HIF1AN: variants seen among roughly 807,000 people sequenced by gnomAD.
HIF1AN encodes the protein hypoxia inducible factor 1 subunit alpha inhibitor.
A neutral mutation model predicts 47.7 loss-of-function variants in HIF1AN; 21 were observed. The observed-to-expected ratio is 0.44, with a 90% CI of 0.31 to 0.63. The LOEUF is 0.63. HIF1AN is among the 30% of genes least tolerant of loss of function. The pLI is 0.07. For synonymous variants in HIF1AN, 152 were observed against 155.9 expected, an observed-to-expected ratio of 0.98 and a Z score of 0.18; for missense variants, 320 against 432.7, an observed-to-expected ratio of 0.74 and a Z score of 2.31.
rs965086119 is a variant in HIF1AN at position 100,548,471 on chromosome 10, T to C, written c.*334T>C. The C allele has an allele frequency of 2.1e-5, 6 of 280,358 alleles. No homozygotes were observed. Among genetic ancestry groups the C allele is most frequent in the African/African-American group, 1.3e-4 (6 of 45,474 alleles). The allele number at this position is 280,358 out of a possible 1,614,324, so 17.4% of individuals were successfully genotyped here. A position where few individuals can be genotyped will look rare whatever the true frequency, so the allele number is the denominator to read the frequency against. On this transcript the variant is annotated 3_prime_UTR_variant, in exon 8 of 8. Transcript: ENST00000299163. Reference sequence around the variant, plus strand: ...CTGTCAACTTCGGAATGTGTGCGTGTGTGTGCATGCACACGCATGTATGTA... The same window carrying C: ...CTGTCAACTTCGGAATGTGTGCGTGCGTGTGCATGCACACGCATGTATGTA...
At chr10:100,536,738 C>G (rs750648407) in intron 2 of HIF1AN, 77 bp downstream of exon 2, 54 of 1,524,692 alleles carry the variant, frequency 3.5e-5, no homozygotes, top group Non-Finnish European at 4.8e-5. Flanking sequence ...GAAGGTGTGG[C>G]AGAATTGGGT....
chr10:100,545,530 C>T (rs1160081488), intron 4 of HIF1AN: 1 of 203,642 alleles, frequency 4.9e-6, no homozygotes. Flanking sequence ...ATGTGGTTAA[C>T]TGTGGCCAGC....
chr10:100,541,287 A>G (rs915789188), intron 3 of HIF1AN, among the ~76,000 whole-genome samples: 1 of 152,206 alleles, frequency 6.6e-6, no homozygotes, highest in Non-Finnish European at 1.5e-5. Flanking sequence ...GCACTTTGGG[A>G]GGCCAAGGCA....
At chr10:100,547,917 A>G (rs902586676) in intron 7 of HIF1AN, among the ~76,000 whole-genome samples, 176 bp from the exon 8 acceptor site, 7 of 152,174 alleles carry the variant, frequency 4.6e-5, no homozygotes, top group South Asian at 2.1e-4. Context: ...GGGAAAGACT[A>G]TGTCCCAGAA....
rs1843153998 is a variant in HIF1AN, at chr10:100,551,115, G to C, written c.*2978G>C. On this transcript the variant is annotated 3_prime_UTR_variant, in exon 8 of 8. Transcript: ENST00000299163. The stretch of plus-strand genomic sequence containing the variant: ...GTTTTGTAAAGTCAAATATTTGTTG[G>C]GGGTTGGAGTTCTGGGGTTGGAGGA... 3 of 152,140 alleles carry C rather than the reference G, an allele frequency of 2.0e-5. No homozygotes were observed. The South Asian group carries it at 6.2e-4, about 31-fold the overall frequency. The allele number at this position is 152,140 out of a possible 1,614,324, so 9.4% of individuals were successfully genotyped here. A position where few individuals can be genotyped will look rare whatever the true frequency, so the allele number is the denominator to read the frequency against.
rs1564667009 is a variant in HIF1AN, at chr10:100,555,968, AACTTG to A, written c.*7837_*7841del. ...TTGGGCAAATGGACAAACTGCCCGA[AACTTG>A]ACTTGTTTATATGTATGGGGAAGAC... On this transcript the variant is annotated 3_prime_UTR_variant, in exon 8 of 8. Coordinates refer to ENST00000299163, the MANE Select transcript of HIF1AN (RefSeq NM_017902.3). 6.6e-6 allele frequency: 1 copy of A among 152,224 alleles called. No individual in the cohort carries two copies. The highest frequency in any genetic ancestry group is 6.5e-5 in the Admixed American group (1 of 15,282). The allele number at this position is 152,224 out of a possible 1,614,324, so 9.4% of individuals were successfully genotyped here.
rs1004156135 is a variant in HIF1AN, at chr10:100,549,043, GGTGTGTGTGTGTGTGTGCGTGCGTGTGT to G, written c.*917_*944del. On this transcript the variant is annotated 3_prime_UTR_variant, in exon 8 of 8. Transcript: ENST00000299163. Reference sequence around the variant, plus strand: ...TCCACACTAGGGGTGCAAGCCTCTGGGTGTGTGTGTGTGTGTGCGTGCGTGTGTGTGTGTGTGTCCGTGTGTGTGTGTG... The same window carrying G: ...TCCACACTAGGGGTGCAAGCCTCTGGGTGTGTGTGTCCGTGTGTGTGTGTG... 1.8e-5 allele frequency: 2 copies of G among 111,626 alleles called. No homozygotes were observed. 6.9% of individuals were successfully genotyped at this position (111,626 alleles called of 1,614,324 possible). A position where few individuals can be genotyped will look rare whatever the true frequency, so the allele number is the denominator to read the frequency against.
chr10:100,540,801 G>C lies in HIF1AN; in HGVS notation c.577+19G>C, dbSNP rs1843019330. The C allele has an allele frequency of 1.9e-6, 3 of 1,598,330 alleles. No individual in the cohort carries two copies. Among genetic ancestry groups the C allele is most frequent in the Non-Finnish European group, 2.6e-6 (3 of 1,174,960 alleles). Reference sequence around the variant, plus strand: ...ATGGAAGGTAAGAAATCTTTCAAAAGCAGCATGGCTTGGAGTCATATGAAC... The same window carrying C: ...ATGGAAGGTAAGAAATCTTTCAAAACCAGCATGGCTTGGAGTCATATGAAC... On this transcript the variant is annotated intron_variant, in intron 3 of 7. Coordinates refer to ENST00000299163, the MANE Select transcript of HIF1AN (RefSeq NM_017902.3).
At chr10:100,540,087 C>T (rs149279168) in intron 2 of HIF1AN, among the ~76,000 whole-genome samples, 2,120 of 152,062 alleles carry the variant, frequency 0.014, 29 homozygotes, top group Middle Eastern at 0.021. Flanking sequence ...CAGCTCACTG[C>T]AACCTCTGCC....
rs1416785869 is a variant in HIF1AN, at chr10:100,548,109, A to C, written c.1022A>C (p.Asn341Thr). 6.2e-7 allele frequency: 1 copy of C among 1,613,386 alleles called. No homozygotes were observed. The change falls in exon 8 of 8, where the codon AAC becomes ACC. Residue 341 changes from asparagine (N) to threonine (T), a missense_variant. This residue lies in a region of HIF1AN where 161 missense variants were observed against 272.8 expected (regional missense o/e 0.59). Transcript: ENST00000299163. ...TCTTTACAGGTGGGGCCCTTGTTGA[A>C]CACAATGATCAAGGGCCGATACAAC... The part of the protein sequence containing the change: ...GNPQEVGPLL[N>T]TMIKGRYN
intron 3 of HIF1AN, among the ~76,000 whole-genome samples, chr10:100,542,201 C>T (rs565856948): frequency 8.9e-4 from 135 of 151,832 alleles, no homozygotes; most frequent in Non-Finnish European, 1.6e-3. Context: ...GGAGCACTAT[C>T]GTAGATGCAA....
rs1852224631 is a variant in HIF1AN, at chr10:100,536,561, A to G, written c.328A>G (p.Asn110Asp). Residue 110 changes from asparagine to aspartate, a missense_variant, in exon 2 of 8, where the codon AAT (asparagine) becomes GAT (aspartate). Around this residue, in one of 2 missense-constraint regions of HIF1AN, gnomAD observed 159 missense variants for 159.9 expected, o/e 0.99. Transcript: ENST00000299163. ...GTACTATGATGAGAAGAAGATGGCC[A>G]ATTTCCAGAACTTTAAGCCGAGGTC... ...FLYYDEKKMANFQNFKPRSNR... is the reference protein window; with the variant it reads ...FLYYDEKKMADFQNFKPRSNR... 3 of 1,614,184 alleles carry G rather than the reference A, an allele frequency of 1.9e-6. No homozygotes were observed. In the East Asian group the frequency reaches 6.7e-5, roughly 36 times the overall value.
chr10:100,537,093 C>T (rs921375028), intron 2 of HIF1AN, among the ~76,000 whole-genome samples: 3 of 151,882 alleles, frequency 2.0e-5, no homozygotes, highest in Admixed American at 6.6e-5. Flanking sequence ...TTTGGGAGGC[C>T]GAGGTGGGAG....
chr10:100,542,145 TAAA>T (rs1292633290), intron 3 of HIF1AN, among the ~76,000 whole-genome samples: 1 of 151,258 alleles, frequency 6.6e-6, no homozygotes, highest in East Asian at 1.9e-4. Flanking sequence ...AAAAAAAAGA[TAAA>T]AAACGGTATA....
chr10:100,548,210 G>T lies in HIF1AN; in HGVS notation c.*73G>T. The T allele has an allele frequency of 2.3e-6, 3 of 1,309,480 alleles. No homozygotes were observed. The South Asian group carries it at 4.2e-5, about 18-fold the overall frequency. 81.1% of individuals were successfully genotyped at this position (1,309,480 alleles called of 1,614,324 possible). On this transcript the variant is annotated 3_prime_UTR_variant, in exon 8 of 8. Coordinates refer to ENST00000299163, the MANE Select transcript of HIF1AN (RefSeq NM_017902.3). Reference sequence around the variant, plus strand: ...CACCGCTTCATTGATGAGGACAGGAGACTCCAAGCGCTAGTATTGCACGCT... The same window carrying T: ...CACCGCTTCATTGATGAGGACAGGATACTCCAAGCGCTAGTATTGCACGCT...
chr10:100,536,203 G>C (rs1852218101), intron 1 of HIF1AN, 68 bp downstream of exon 1: 1 of 1,458,486 alleles, frequency 6.9e-7, no homozygotes, highest in South Asian at 1.3e-5. Context: ...GAGGTGAATG[G>C]TGAAAGAGAT....
intron 2 of HIF1AN, among the ~76,000 whole-genome samples, chr10:100,540,005 A>G (rs1382136522): frequency 6.6e-6 from 1 of 151,430 alleles, no homozygotes; most frequent in African/African-American, 2.4e-5. Context: ...TTATTTATTT[A>G]TTTATGTATT....
Position 100,547,151 on chromosome 10 carries a change from C to A in HIF1AN, c.906C>A (p.Thr302=), listed in dbSNP as rs368125302. Reference sequence around the variant, plus strand: ...TGCTTCCTTTGTAGGGGGCTCCCACCCCTAAGAGAATTGAATATCCTCTCA... The same window carrying A: ...TGCTTCCTTTGTAGGGGGCTCCCACACCTAAGAGAATTGAATATCCTCTCA... ...TVNFWYKGAP[T]PKRIEYPLKA... The change falls in exon 7 of 8, where the codon ACC becomes ACA. Residue 302 remains threonine, a synonymous_variant. Coordinates refer to ENST00000299163, the MANE Select transcript of HIF1AN (RefSeq NM_017902.3). 6.2e-7 allele frequency: 1 copy of A among 1,613,010 alleles called. No homozygotes were observed. Among genetic ancestry groups the A allele is most frequent in the Non-Finnish European group, 8.5e-7 (1 of 1,179,458 alleles).
chr10:100,548,142 C>T lies in HIF1AN; in HGVS notation c.*5C>T. ...ATCAAGGGCCGATACAACTAGCCTG[C>T]CAGGGGTCAAGGCCTCCTGCCAGGT... is the stretch of plus-strand genomic sequence containing the variant. On this transcript the variant is annotated 3_prime_UTR_variant, in exon 8 of 8. Transcript: ENST00000299163. The T allele has an allele frequency of 6.2e-7, 1 of 1,607,336 alleles. No individual in the cohort carries two copies.
Sources: gnomAD v4.1 joint callset for allele counts (sites outside exome capture counted in the v4.1 genomes callset) on GRCh38, gnomAD v4.1.1 for gene constraint, gnomAD v4.1.1 regional missense constraint, MANE v1.5 for transcripts, NCBI Gene and HGNC (gene_info 2026-07-23, HGNC 2026-07-21) for gene names.